The following RAB28 variants were observed in gnomAD, a reference collection of about 807,000 sequenced individuals.
RAB28 encodes the protein RAB28, member RAS oncogene family.
RAB28 carries 24 observed loss-of-function variants against 31.7 expected under a neutral mutation model. That is an observed-to-expected ratio of 0.76 (90% CI 0.55 to 1.06). The LOEUF (loss-of-function observed/expected upper bound fraction) is 1.06, where lower values mean the gene tolerates loss of function less well. RAB28 is among the 50% of genes least tolerant of loss of function. The pLI is 0.00. For synonymous variants in RAB28, 100 were observed against 90.4 expected, an observed-to-expected ratio of 1.11 and a Z score of -0.60; for missense variants, 254 against 258.5, an observed-to-expected ratio of 0.98 and a Z score of 0.12.
chr4:13,432,393 C>G (rs1713857939), intron 4 of RAB28, among the ~76,000 whole-genome samples: 1 of 151,904 alleles, frequency 6.6e-6, no homozygotes, highest in South Asian at 2.1e-4. Context: ...GAAAATTTCC[C>G]TAATCTTGCA....
intron 3 of RAB28, among the ~76,000 whole-genome samples, chr4:13,462,886 G>T (rs7340940): frequency 0.056 from 8,523 of 152,112 alleles, 546 homozygotes; most frequent in African/African-American, 0.16. Context: ...TAATCTTCAA[G>T]CTACTGGCCC....
chr4:13,447,230 G>A (rs573589188), intron 4 of RAB28, among the ~76,000 whole-genome samples: 2 of 152,264 alleles, frequency 1.3e-5, no homozygotes, highest in South Asian at 4.1e-4. Context: ...GAGCCATAGT[G>A]ATCCTTTCCA....
intron 4 of RAB28, among the ~76,000 whole-genome samples, chr4:13,432,908 C>A (rs568773724): frequency 6.6e-6 from 1 of 151,506 alleles, no homozygotes; most frequent in Non-Finnish European, 1.5e-5. Context: ...AAAAACTGAA[C>A]CTCATATGTC....
At chr4:13,399,436 T>G (rs1405745403) in intron 4 of RAB28, among the ~76,000 whole-genome samples, 1 of 152,228 alleles carries the variant, frequency 6.6e-6, no homozygotes, top group East Asian at 1.9e-4. Context: ...CCTGATAATA[T>G]GCCTAGCTGT....
chr4:13,370,054 T>C (rs1278073193), intron 6 of RAB28: 8 of 1,501,538 alleles, frequency 5.3e-6, no homozygotes, highest in Non-Finnish European at 5.3e-6. Flanking sequence ...TGACTGAATA[T>C]AGAAGGAAAC....
chr4:13,378,846 AG>A, intron 5 of RAB28, among the ~76,000 whole-genome samples: 1 of 152,298 alleles, frequency 6.6e-6, no homozygotes, highest in East Asian at 1.9e-4. Flanking sequence ...CTTATAAAAT[AG>A]GAAACAAGGT....
intron 4 of RAB28, among the ~76,000 whole-genome samples, chr4:13,387,076 G>C (rs541360221): frequency 6.6e-6 from 1 of 152,050 alleles, no homozygotes; most frequent in South Asian, 2.1e-4. Flanking sequence ...GGGAACAATA[G>C]ACACTGTGGC....
intron 4 of RAB28, among the ~76,000 whole-genome samples, chr4:13,395,830 T>C (rs1367274362): frequency 3.9e-5 from 6 of 152,078 alleles, no homozygotes; most frequent in Non-Finnish European, 8.8e-5. Context: ...AGAGTATCTA[T>C]ATTACACTGG....
intron 1 of RAB28, 42 bp from the exon 2 acceptor site, chr4:13,479,568 A>G (rs534825852): frequency 1.6e-6 from 2 of 1,269,306 alleles, no homozygotes; most frequent in South Asian, 1.2e-5. Context: ...AATTCATTAA[A>G]GAAATGTAAT....
At chr4:13,386,715 C>T (rs567292561) in intron 4 of RAB28, among the ~76,000 whole-genome samples, 7 of 152,254 alleles carry the variant, frequency 4.6e-5, no homozygotes, top group African/African-American at 1.4e-4. Context: ...TAAAACAGAA[C>T]TACCATTCAA....
intron 3 of RAB28, among the ~76,000 whole-genome samples, chr4:13,471,828 G>A (rs1400890613): frequency 3.3e-5 from 5 of 151,920 alleles, no homozygotes; most frequent in East Asian, 1.9e-4. Flanking sequence ...AAGTGTAAAC[G>A]ATAAAATGCA....
chr4:13,402,277 A>G (rs1370849245), intron 4 of RAB28, among the ~76,000 whole-genome samples: 2 of 152,216 alleles, frequency 1.3e-5, no homozygotes, highest in Non-Finnish European at 2.9e-5. Flanking sequence ...CATGCCTTCT[A>G]TATCCCTACT....
chr4:13,429,070 G>A (rs1374211688), intron 4 of RAB28, among the ~76,000 whole-genome samples: 5 of 150,574 alleles, frequency 3.3e-5, no homozygotes, highest in Admixed American at 1.3e-4. Flanking sequence ...TCAGCCTCCC[G>A]AGTAGCTGGG....
chr4:13,440,942 T>C (rs146422160), intron 4 of RAB28, among the ~76,000 whole-genome samples: 13 of 151,708 alleles, frequency 8.6e-5, no homozygotes, highest in Non-Finnish European at 1.6e-4. Flanking sequence ...ACCAATCAAT[T>C]AGGAATGTGG....
intron 4 of RAB28, among the ~76,000 whole-genome samples, chr4:13,412,407 A>C (rs1186081361): frequency 6.6e-6 from 1 of 152,140 alleles, no homozygotes; most frequent in Non-Finnish European, 1.5e-5. Context: ...ATCTAATGTC[A>C]ATCTGTGGCT....
chr4:13,422,763 G>T (rs1043958257), intron 4 of RAB28, among the ~76,000 whole-genome samples: 1 of 151,864 alleles, frequency 6.6e-6, no homozygotes, highest in Non-Finnish European at 1.5e-5. Context: ...GATGGGGGAC[G>T]GGGGAGGGAT....
intron 4 of RAB28, among the ~76,000 whole-genome samples, chr4:13,433,001 G>A (rs1244309502): frequency 1.3e-5 from 2 of 150,654 alleles, no homozygotes; most frequent in Non-Finnish European, 1.5e-5. Context: ...AAAAAGAAAC[G>A]GAATTTAAAG....
At chr4:13,428,270 T>G (rs1216809194) in intron 4 of RAB28, among the ~76,000 whole-genome samples, 1 of 152,162 alleles carries the variant, frequency 6.6e-6, no homozygotes, top group African/African-American at 2.4e-5. Context: ...TAAGACAATA[T>G]GAGGGGTGGT....
chr4:13,390,380 G>A (rs2108889975), intron 4 of RAB28, among the ~76,000 whole-genome samples: 1 of 152,130 alleles, frequency 6.6e-6, no homozygotes, highest in South Asian at 2.1e-4. Flanking sequence ...ACCTCTTCAA[G>A]GAGAACTACA....
Sources: gnomAD v4.1 joint callset for allele counts (sites outside exome capture counted in the v4.1 genomes callset) on GRCh38, gnomAD v4.1.1 for gene constraint, MANE v1.5 for transcripts, NCBI Gene and HGNC (gene_info 2026-07-23, HGNC 2026-07-21) for gene names.